The following WDR93 variants were observed in gnomAD, a reference collection of about 807,000 sequenced individuals.
WDR93 encodes WD repeat domain 93.
Under a neutral mutation model 82.9 loss-of-function variants are expected in WDR93, and 73 were observed. The ratio of observed to expected loss-of-function variants is 0.88; its 90% CI spans 0.73 to 1.07. The LOEUF is 1.07. Ranked by LOEUF, WDR93 falls within the 50% of genes least tolerant of loss-of-function variation. WDR93 has a pLI of 0.00. For synonymous variants in WDR93, 283 were observed against 300.1 expected (o/e 0.94, Z 0.59); for missense variants, 738 against 826.0 (o/e 0.89, Z 1.31).
At chr15:89,717,132 T>A (rs1419668384) in intron 7 of WDR93, among the ~76,000 whole-genome samples, 183 bp downstream of exon 7, 1 of 143,098 alleles carries the variant, frequency 7.0e-6, no homozygotes, top group Non-Finnish European at 1.5e-5. Context: ...CGATCTTGGC[T>A]CATCGCAACT....
chr15:89,729,781 C>A lies in WDR93; in HGVS notation c.1210+12C>A. ...AAAGGATAAAGCTGGTACTTTACTG[C>A]TGAGATGGGAGTCGCCTAAGCTCAG... On this transcript the variant is annotated intron_variant, in intron 11 of 16. Transcript: ENST00000268130. 2 of 1,608,998 alleles carry A rather than the reference C, an allele frequency of 1.2e-6. No individual in the cohort carries two copies. Among genetic ancestry groups the A allele is most frequent in the Non-Finnish European group, 1.7e-6 (2 of 1,175,854 alleles).
intron 4 of WDR93, 76 bp from the exon 5 acceptor site, chr15:89,711,950 A>C (rs1207567012): frequency 2.6e-6 from 3 of 1,167,844 alleles, no homozygotes; most frequent in Non-Finnish European, 3.7e-6. Flanking sequence ...TCCTGGGTGC[A>C]GACCACAGAA....
rs140883769 is a variant in WDR93 at position 89,729,921 on chromosome 15, T to C, written c.1210+152T>C. 295 of 671,214 alleles carry C rather than the reference T, an allele frequency of 4.4e-4. 2 individuals are homozygous for C. In the African/African-American group the frequency reaches 4.9e-3, roughly 11 times the overall value. The allele number at this position is 671,214 out of a possible 1,614,324, so 41.6% of individuals were successfully genotyped here. On this transcript the variant is annotated intron_variant, in intron 11 of 16. Transcript: ENST00000268130. ...AGTAGGGGGTTTGGTGGGTGTAGTG[T>C]GACCGCAAGAATCTGTCTCTGAAAT...
At chr15:89,741,255 T>G (rs1318648652) in intron 16 of WDR93, among the ~76,000 whole-genome samples, 11 of 152,256 alleles carry the variant, frequency 7.2e-5, no homozygotes, top group Admixed American at 7.2e-4. Flanking sequence ...TTTGTCTATT[T>G]TTTGAGACAG....
chr15:89,731,408 T>TG (rs5814401), intron 11 of WDR93, 35 bp from the exon 12 acceptor site: 916,701 of 1,611,752 alleles, frequency 0.57, 267,799 homozygotes, highest in Middle Eastern at 0.64. Flanking sequence ...GTGCAGAGTC[T>TG]GGGGGAACCG....
chr15:89,708,554 C>T (rs191190567), intron 4 of WDR93, among the ~76,000 whole-genome samples: 2 of 152,166 alleles, frequency 1.3e-5, no homozygotes, highest in East Asian at 1.9e-4. Flanking sequence ...AGGACAAGAG[C>T]GTCATTGCAA....
chr15:89,702,817 G>A, intron 2 of WDR93, 133 bp from the exon 3 acceptor site: 1 of 1,009,696 alleles, frequency 9.9e-7, no homozygotes, highest in Non-Finnish European at 1.4e-6. Flanking sequence ...GGGATTACAG[G>A]CGTTAGCCAC....
chr15:89,719,219 C>G (rs1448857937), intron 7 of WDR93, among the ~76,000 whole-genome samples: 1 of 152,118 alleles, frequency 6.6e-6, no homozygotes, highest in Non-Finnish European at 1.5e-5. Context: ...TCCCAAATAG[C>G]TAAGACTACA....
intron 1 of WDR93, among the ~76,000 whole-genome samples, chr15:89,694,320 G>A (rs1020692306): frequency 4.8e-5 from 7 of 146,144 alleles, no homozygotes; most frequent in Non-Finnish European, 8.9e-5. Flanking sequence ...GCACGATCTC[G>A]GCTCACTGGT....
At chr15:89,707,965 G>T (rs1965795758) in intron 4 of WDR93, among the ~76,000 whole-genome samples, 1 of 152,174 alleles carries the variant, frequency 6.6e-6, no homozygotes, top group Admixed American at 6.5e-5. Flanking sequence ...TCAATAAAAA[G>T]GAGTGAACTA....
intron 7 of WDR93, among the ~76,000 whole-genome samples, chr15:89,719,376 A>G (rs1387113770): frequency 1.3e-5 from 2 of 152,258 alleles, no homozygotes; most frequent in African/African-American, 4.8e-5. Context: ...GGAACTACAA[A>G]TTCAACTCCT....
chr15:89,728,148 A>G (rs992855538), intron 9 of WDR93, among the ~76,000 whole-genome samples: 3 of 152,176 alleles, frequency 2.0e-5, no homozygotes, highest in African/African-American at 7.2e-5. Flanking sequence ...CACCACTACT[A>G]AAATTTTTCT....
intron 5 of WDR93, among the ~76,000 whole-genome samples, chr15:89,712,730 C>T (rs1448091810): frequency 6.6e-6 from 1 of 152,150 alleles, no homozygotes; most frequent in Non-Finnish European, 1.5e-5. Flanking sequence ...CAAGTGGTGT[C>T]CGCCAGGTTT....
chr15:89,733,427 A>G (rs1966913057), intron 13 of WDR93, among the ~76,000 whole-genome samples: 2 of 152,118 alleles, frequency 1.3e-5, no homozygotes, highest in South Asian at 2.1e-4. Flanking sequence ...GACATCTGCT[A>G]TGGTTTGACT....
intron 7 of WDR93, among the ~76,000 whole-genome samples, chr15:89,717,927 C>A (rs1240129616): frequency 1.3e-5 from 2 of 152,110 alleles, no homozygotes; most frequent in East Asian, 1.9e-4. Flanking sequence ...TCCTCTGAGA[C>A]CAGGAACATA....
Position 89,737,590 on chromosome 15 carries a change from G to A in WDR93, c.1626G>A (p.Lys542=). ...CTTCCCAGGTGCTCATCTTTTCCAA[G>A]AATGGCTCTGTGTGCCTTATGGATG... is the stretch of plus-strand genomic sequence containing the variant. The part of the protein sequence containing the change: ...ALPGMVLIFS[K]NGSVCLMDVA... Residue 542 remains lysine (K), a synonymous_variant, in exon 15 of 17, where the codon AAG becomes AAA. Coordinates refer to ENST00000268130, the MANE Select transcript of WDR93 (RefSeq NM_020212.2). 6.2e-7 allele frequency: 1 copy of A among 1,614,192 alleles called. No homozygotes were observed. The highest frequency in any genetic ancestry group is 8.5e-7 in the Non-Finnish European group (1 of 1,180,030).
chr15:89,738,343 C>G, intron 16 of WDR93, 107 bp downstream of exon 16: 2 of 1,367,126 alleles, frequency 1.5e-6, no homozygotes, highest in Non-Finnish European at 2.0e-6. Flanking sequence ...GAAATTTCCC[C>G]TGGCTGGGCG....
At chr15:89,709,239 C>G (rs1336403098) in intron 4 of WDR93, among the ~76,000 whole-genome samples, 1 of 152,166 alleles carries the variant, frequency 6.6e-6, no homozygotes, top group African/African-American at 2.4e-5. Context: ...CCAGAAAATC[C>G]TAAACCCCAC....
intron 16 of WDR93, among the ~76,000 whole-genome samples, chr15:89,742,071 G>A (rs1362711044): frequency 6.6e-6 from 1 of 151,766 alleles, no homozygotes; most frequent in African/African-American, 2.4e-5. Flanking sequence ...TTTTAAGATA[G>A]CATTCACCAT....
Sources: allele counts gnomAD v4.1 joint callset (sites outside exome capture counted in the v4.1 genomes callset), GRCh38; gene constraint gnomAD v4.1.1; transcripts MANE v1.5; gene names NCBI Gene and HGNC (gene_info 2026-07-23, HGNC 2026-07-21).